PARD3: variants seen among roughly 807,000 people sequenced by gnomAD.
PARD3 encodes the protein partitioning defective 3 homolog.
A neutral mutation model predicts 155.4 loss-of-function variants in PARD3; 75 were observed. The observed-to-expected ratio is 0.48, with a 90% CI of 0.40 to 0.58. The LOEUF is 0.58. PARD3 is among the 20% of genes least tolerant of loss of function. The probability of loss-of-function intolerance (pLI) is 0.00; values close to 1 mark genes in which losing one functional copy is unlikely to be tolerated. For synonymous variants in PARD3, 576 were observed against 610.5 expected, an observed-to-expected ratio of 0.94 and a Z score of 0.83; for missense variants, 1,642 against 1,721.7, an observed-to-expected ratio of 0.95 and a Z score of 0.82.
chr10:34,629,035 T>TAA (rs2092130064), intron 2 of PARD3, among the ~76,000 whole-genome samples: 1 of 152,204 alleles, frequency 6.6e-6, no homozygotes, highest in Admixed American at 6.5e-5. Flanking sequence ...AGAGGGGTGT[T>TAA]AAATTCTTCC....
chr10:34,576,433 A>T (rs181743817), intron 2 of PARD3, among the ~76,000 whole-genome samples: 21 of 151,960 alleles, frequency 1.4e-4, no homozygotes, highest in African/African-American at 4.4e-4. Flanking sequence ...AAATTAAATC[A>T]CCCATAGAAA....
rs534954423 is a variant in PARD3, at chr10:34,605,127, C to T, written c.223-87968G>A. ...AGGGTGGTGTAAAAATAATCCATGC[C>T]GGATGTCAACTACACTAGGTATGCC... is the stretch of plus-strand genomic sequence containing the variant. On this transcript the variant is annotated intron_variant, in intron 2 of 24. Coordinates refer to ENST00000374788, the MANE Select transcript of PARD3 (RefSeq NM_001184785.2). Among the ~76,000 whole-genome samples the T allele has an allele frequency of 3.5e-4, 52 of 150,544 alleles. No individual in the cohort carries two copies. In the East Asian group the frequency reaches 7.2e-3, roughly 21 times the overall value.
rs149458293 is a variant in PARD3 at position 34,647,109 on chromosome 10, C to T, written c.222+49209G>A. ...CTGCTATAGTATGCTTTAAAGAAGG[C>T]TTTTTATACCTGGAACTTCAGGATG... is the stretch of plus-strand genomic sequence containing the variant. On this transcript the variant is annotated intron_variant, in intron 2 of 24. Transcript: ENST00000374788. Among the ~76,000 whole-genome samples the T allele has an allele frequency of 9.8e-3, 1,496 of 152,270 alleles. 29 individuals are homozygous for T. Among genetic ancestry groups the T allele is most frequent in the African/African-American group, 0.033 (1,379 of 41,540 alleles).
intron 18 of PARD3, among the ~76,000 whole-genome samples, chr10:34,332,625 T>C (rs1196601139): frequency 1.3e-5 from 2 of 152,124 alleles, no homozygotes; most frequent in Admixed American, 6.5e-5. Flanking sequence ...ATGAAGCTAT[T>C]TTGGGTAAGA....
chr10:34,784,764 C>A (rs1017655766), intron 1 of PARD3, among the ~76,000 whole-genome samples: 3 of 152,262 alleles, frequency 2.0e-5, no homozygotes, highest in Admixed American at 6.5e-5. Context: ...GGATTTTCTT[C>A]CCCTTTTTTC....
At chr10:34,508,503 C>T (rs550151448) in intron 3 of PARD3, among the ~76,000 whole-genome samples, 8 of 151,814 alleles carry the variant, frequency 5.3e-5, no homozygotes, top group Admixed American at 5.3e-4. Flanking sequence ...GGGCTACCCT[C>T]AAATATCTGA....
intron 7 of PARD3, among the ~76,000 whole-genome samples, chr10:34,385,021 G>A (rs896609528): frequency 7.9e-5 from 12 of 152,160 alleles, no homozygotes; most frequent in Admixed American, 7.9e-4. Flanking sequence ...CTTCATAACT[G>A]ACAGGACATT....
chr10:34,700,980 T>C (rs2094264551), intron 1 of PARD3, among the ~76,000 whole-genome samples: 1 of 151,330 alleles, frequency 6.6e-6, no homozygotes, highest in African/African-American at 2.4e-5. Flanking sequence ...ATCTCAAAAA[T>C]AAAATAAAAT....
At chr10:34,336,770 A>C (rs1836237869) in intron 17 of PARD3, among the ~76,000 whole-genome samples, 1 of 152,072 alleles carries the variant, frequency 6.6e-6, no homozygotes, top group Non-Finnish European at 1.5e-5. Flanking sequence ...TATTACTTTG[A>C]TTAAATGCCT....
At chr10:34,634,315 T>C (rs2092390186) in intron 2 of PARD3, among the ~76,000 whole-genome samples, 1 of 152,182 alleles carries the variant, frequency 6.6e-6, no homozygotes, top group African/African-American at 2.4e-5. Flanking sequence ...GAACAGTACG[T>C]ATAGCGGGAA....
chr10:34,405,814 G>C (rs1218152723), intron 5 of PARD3, among the ~76,000 whole-genome samples: 1 of 152,170 alleles, frequency 6.6e-6, no homozygotes, highest in Non-Finnish European at 1.5e-5. Flanking sequence ...GTGATGTGAA[G>C]AGGATCCAGG....
intron 2 of PARD3, among the ~76,000 whole-genome samples, chr10:34,634,665 C>G (rs1326555180): frequency 1.3e-5 from 2 of 152,026 alleles, no homozygotes; most frequent in Admixed American, 6.5e-5. Context: ...AAAGAAACAA[C>G]TGAAAACAAA....
chr10:34,308,418 T>C (rs1437939457), intron 20 of PARD3, among the ~76,000 whole-genome samples: 2 of 152,196 alleles, frequency 1.3e-5, no homozygotes, highest in Admixed American at 6.5e-5. Context: ...AAAAGTAGGA[T>C]TGCAGATGTG....
chr10:34,628,022 T>C (rs918656335), intron 2 of PARD3, among the ~76,000 whole-genome samples: 1 of 152,094 alleles, frequency 6.6e-6, no homozygotes, highest in Non-Finnish European at 1.5e-5. Context: ...AGTTTACACG[T>C]TGTGCCCTAA....
At chr10:34,241,420 G>C (rs1439166685) in intron 22 of PARD3, among the ~76,000 whole-genome samples, 3 of 152,192 alleles carry the variant, frequency 2.0e-5, no homozygotes, top group African/African-American at 7.2e-5. Flanking sequence ...TGGGAGACCC[G>C]GTGGTCCTGG....
At chr10:34,736,499 T>A (rs1287901246) in intron 1 of PARD3, among the ~76,000 whole-genome samples, 1 of 151,842 alleles carries the variant, frequency 6.6e-6, no homozygotes, top group Admixed American at 6.6e-5. Flanking sequence ...TAGCTAAATT[T>A]TTTTTTCATC....
chr10:34,117,002 T>C (rs1946712117), intron 24 of PARD3, among the ~76,000 whole-genome samples: 1 of 152,156 alleles, frequency 6.6e-6, no homozygotes, highest in African/African-American at 2.4e-5. Context: ...ATGCATGAGC[T>C]ACTTTGGAAT....
chr10:34,432,000 C>T (rs2075944580), intron 5 of PARD3, among the ~76,000 whole-genome samples: 1 of 124,314 alleles, frequency 8.0e-6, no homozygotes, highest in Admixed American at 9.9e-5. Flanking sequence ...CGAGATCACG[C>T]CACTGCACTC....
At chr10:34,715,756 C>T (rs1227833125) in intron 1 of PARD3, among the ~76,000 whole-genome samples, 2 of 152,174 alleles carry the variant, frequency 1.3e-5, no homozygotes, top group African/African-American at 2.4e-5. Flanking sequence ...GTGGCAGGCA[C>T]GGAACAAGAT....
Sources: allele counts gnomAD v4.1 joint callset (sites outside exome capture counted in the v4.1 genomes callset), GRCh38; gene constraint gnomAD v4.1.1; transcripts MANE v1.5; gene names NCBI Gene and HGNC (gene_info 2026-07-23, HGNC 2026-07-21).